Variants in SLC46A1 observed in about 807,000 individuals in gnomAD.
SLC46A1 encodes proton-coupled folate transporter.
A neutral mutation model predicts 32.1 loss-of-function variants in SLC46A1; 17 were observed. The ratio of observed to expected loss-of-function variants is 0.53; its 90% CI spans 0.36 to 0.79. The LOEUF (loss-of-function observed/expected upper bound fraction) is 0.79. Ranked by LOEUF, SLC46A1 falls within the 30% of genes least tolerant of loss-of-function variation. The pLI, the probability that SLC46A1 is intolerant of heterozygous loss-of-function variation, is 0.00. For missense variants in SLC46A1, 517 were observed against 588.2 expected, an observed-to-expected ratio of 0.88 and a Z score of 1.25; for synonymous variants, 240 against 262.7, an observed-to-expected ratio of 0.91 and a Z score of 0.84.
In SLC46A1 at chr17:28,406,046, G is replaced by C; in HGVS notation, c.69C>G (p.Gly23=). 1.2e-6 allele frequency: 2 copies of C among 1,606,126 alleles called. No homozygotes were observed. The highest frequency in any genetic ancestry group is 1.7e-6 in the Non-Finnish European group (2 of 1,177,552). ...CCAGGAAGACCAGCGGCTCTACCGG[G>C]CCCCGGCACAGCACGGCAGCCGCAG... ...ARPAAAVLCR[G]PVEPLVFLAN... Residue 23 remains glycine, a synonymous_variant, in exon 1 of 5, where the codon GGC becomes GGG. Coordinates refer to ENST00000612814, the MANE Select transcript of SLC46A1 (RefSeq NM_080669.6). The surrounding 1 kb of genome is among the most constrained non-coding windows in gnomAD (Gnocchi z 4.5).
Position 28,404,706 on chromosome 17 carries a change from C to G in SLC46A1, c.991G>C (p.Asp331His). 1 of 1,613,954 alleles carries G rather than the reference C, an allele frequency of 6.2e-7. No homozygotes were observed. Among genetic ancestry groups the G allele is most frequent in the Non-Finnish European group, 8.5e-7 (1 of 1,179,838 alleles). Residue 331 changes from aspartate to histidine, a missense_variant, in exon 2 of 5, where the codon GAT becomes CAT. Physicochemically the swap from Asp to His is moderately conservative, Grantham distance 81 (BLOSUM62 -1). Transcript: ENST00000612814. ...ALKLLQYCLA[D>H]AWVAEIGLAF... ...AGGCCGATCTCAGCTACCCAGGCAT[C>G]GGCCAGGCAGTACTGCAGGAGCTTC... is the stretch of plus-strand genomic sequence containing the variant.
At position 28,406,151 on chromosome 17, in the gene SLC46A1, G is replaced by C. The variant is rs2068260717; in HGVS notation, c.-37C>G. On this transcript the variant is annotated 5_prime_UTR_variant, in exon 1 of 5. Transcript: ENST00000612814. The surrounding 1 kb of genome is among the most constrained non-coding windows in gnomAD (Gnocchi z 4.5). ...GCGGAGCTGTCGCCAGGCGGGCGGC[G>C]GGGCGCGCGAGCGACTCGCTGCCTG... is the stretch of plus-strand genomic sequence containing the variant. The C allele has an allele frequency of 7.5e-7, 1 of 1,333,250 alleles. No homozygotes were observed. The allele number at this position is 1,333,250 out of a possible 1,614,324, so 82.6% of individuals were successfully genotyped here.
intron 2 of SLC46A1, chr17:28,404,309 G>A (rs549411301): frequency 1.8e-4 from 73 of 414,540 alleles, no homozygotes; most frequent in South Asian, 1.6e-3. Context: ...ATAGGCGGTG[G>A]GAGGCCAAGG....
rs1284344546 is a variant in SLC46A1, at chr17:28,397,974, C to T, written c.*1682G>A. 1.3e-5 allele frequency: 2 copies of T among 152,700 alleles called. No homozygotes were observed. Among genetic ancestry groups the T allele is most frequent in the African/African-American group, 2.4e-5 (1 of 41,480 alleles). The allele number at this position is 152,700 out of a possible 1,614,324, so 9.5% of individuals were successfully genotyped here. On this transcript the variant is annotated 3_prime_UTR_variant, in exon 5 of 5. Transcript: ENST00000612814. Reference sequence around the variant, plus strand: ...TGGGGCTCCTTCCTTCCACTCCCCTCCCTGCCAGAGTCTGTCTTGGCCAGT... The same window carrying T: ...TGGGGCTCCTTCCTTCCACTCCCCTTCCTGCCAGAGTCTGTCTTGGCCAGT...
At chr17:28,400,933 T>C (rs1255673730) in intron 3 of SLC46A1, 167 bp from the exon 4 acceptor site, 2 of 684,656 alleles carry the variant, frequency 2.9e-6, no homozygotes, top group Non-Finnish European at 5.2e-6. Flanking sequence ...TTCAGTAAGG[T>C]CATATGTGGA....
chr17:28,405,650 T>C (rs1276410823), intron 1 of SLC46A1, 182 bp from the exon 2 acceptor site: 1 of 982,850 alleles, frequency 1.0e-6, no homozygotes, highest in Non-Finnish European at 1.5e-6. Context: ...CAAGGCCCCA[T>C]TCCCTTTCCT....
At chr17:28,404,366 A>G in intron 2 of SLC46A1, 1 of 554,442 alleles carries the variant, frequency 1.8e-6, no homozygotes, top group Non-Finnish European at 3.2e-6. Context: ...TTTGCTCTAT[A>G]TTACTAACAA....
chr17:28,399,900 T>C (rs2068175642), intron 4 of SLC46A1, 187 bp from the exon 5 acceptor site: 1 of 604,850 alleles, frequency 1.7e-6, no homozygotes, highest in Non-Finnish European at 2.9e-6. Context: ...AAAATAACTT[T>C]TTTTTTTTTA....
intron 2 of SLC46A1, 48 bp from the exon 3 acceptor site, chr17:28,402,369 G>A (rs1310582959): frequency 6.6e-7 from 1 of 1,525,440 alleles, no homozygotes; most frequent in Non-Finnish European, 9.0e-7. Flanking sequence ...GGGGAGAGGG[G>A]CGTCCAAGGG....
chr17:28,397,714 C>G lies in SLC46A1; in HGVS notation c.*1942G>C, dbSNP rs144246026. On this transcript the variant is annotated 3_prime_UTR_variant, in exon 5 of 5. Transcript: ENST00000612814. ...ACAAAAAGCTGACCCAGAGGCCATA[C>G]AGAGCAGGAATATCCCATTGCCCCC... 1 of 152,290 alleles carries G rather than the reference C, an allele frequency of 6.6e-6. No homozygotes were observed. The allele number at this position is 152,290 out of a possible 1,614,324, so 9.4% of individuals were successfully genotyped here. A position where few individuals can be genotyped will look rare whatever the true frequency, so the allele number is the denominator to read the frequency against.
Position 28,404,922 on chromosome 17 carries a change from C to A in SLC46A1, c.775G>T (p.Ala259Ser), listed in dbSNP as rs370955621. The change falls in exon 2 of 5, where the codon GCC (alanine) becomes TCC (serine). Residue 259 changes from alanine to serine, a missense_variant. Ala to Ser is a moderately conservative substitution (Grantham distance 99, BLOSUM62 1). Coordinates refer to ENST00000612814, the MANE Select transcript of SLC46A1 (RefSeq NM_080669.6). ...RSIVQLYVAP[A>S]PEKSRKHLAL... ...AAATGTTTCCTGGACTTCTCTGGGG[C>A]GGGAGCCACATAGAGCTGGACAATG... 6.2e-7 allele frequency: 1 copy of A among 1,613,856 alleles called. No homozygotes were observed. Among genetic ancestry groups the A allele is most frequent in the African/African-American group, 1.3e-5 (1 of 74,918 alleles).
In SLC46A1 at chr17:28,396,018, CG is replaced by C. The variant is rs1448151242; in HGVS notation, c.*3637del. On this transcript the variant is annotated 3_prime_UTR_variant, in exon 5 of 5. Transcript: ENST00000612814. Reference sequence around the variant, plus strand: ...ACATGCAGGCTGTGCTTACTTTCAACGGTATCAAGTGAGCCCCAGGGCCCTG... The same window carrying C: ...ACATGCAGGCTGTGCTTACTTTCAACGTATCAAGTGAGCCCCAGGGCCCTG... 9 of 1,613,784 alleles carry C rather than the reference CG, an allele frequency of 5.6e-6. No homozygotes were observed. The highest frequency in any genetic ancestry group is 4.5e-5 in the East Asian group (2 of 44,874).
chr17:28,401,586 T>C (rs2068197825), intron 3 of SLC46A1: 1 of 152,264 alleles, frequency 6.6e-6, no homozygotes, highest in Non-Finnish European at 1.5e-5. Flanking sequence ...ACCCACAGTT[T>C]ACAAAATGTG....
Position 28,396,084 on chromosome 17 carries a change from A to C in SLC46A1, c.*3572T>G, listed in dbSNP as rs2068119304. 12 of 1,613,418 alleles carry C rather than the reference A, an allele frequency of 7.4e-6. No individual in the cohort carries two copies. Among genetic ancestry groups the C allele is most frequent in the Non-Finnish European group, 1.0e-5 (12 of 1,179,626 alleles). ...GGGTACAAATCACCATGACAGGCAG[A>C]GTGTGGGCAAACAGCTGACTAGCAG... On this transcript the variant is annotated 3_prime_UTR_variant, in exon 5 of 5. Transcript: ENST00000612814.
rs553839009 is a variant in SLC46A1, at chr17:28,400,424, C to A, written c.1322+186G>T. Reference sequence around the variant, plus strand: ...ATCCTTCCTCCACCTAGCTCGCCATCTCGCCCTTGGAAAATGGCTCCTGGA... The same window carrying A: ...ATCCTTCCTCCACCTAGCTCGCCATATCGCCCTTGGAAAATGGCTCCTGGA... On this transcript the variant is annotated intron_variant, in intron 4 of 4. Coordinates refer to ENST00000612814, the MANE Select transcript of SLC46A1 (RefSeq NM_080669.6). The A allele has an allele frequency of 5.8e-6, 4 of 685,100 alleles. No homozygotes were observed. In the South Asian group the frequency reaches 7.8e-5, roughly 13 times the overall value. 42.4% of individuals were successfully genotyped at this position (685,100 alleles called of 1,614,324 possible).
At chr17:28,403,387 T>C (rs554865838) in intron 2 of SLC46A1, 1 of 152,594 alleles carries the variant, frequency 6.6e-6, no homozygotes, top group South Asian at 2.1e-4. Flanking sequence ...TTCATAACCA[T>C]TTCTCTCCCT....
Position 28,395,941 on chromosome 17 carries a change from G to A in SLC46A1, c.*3715C>T, listed in dbSNP as rs782225125. ...TGCTTTAAGCTGCGGCAAGAACATT[G>A]TGCCCATCATTGATGGCTTCGAGTG... On this transcript the variant is annotated 3_prime_UTR_variant, in exon 5 of 5. Coordinates refer to ENST00000612814, the MANE Select transcript of SLC46A1 (RefSeq NM_080669.6). 54 of 1,613,800 alleles carry A rather than the reference G, an allele frequency of 3.3e-5. No individual in the cohort carries two copies. The highest frequency in any genetic ancestry group is 4.4e-5 in the Non-Finnish European group (52 of 1,179,878).
rs1329623767 is a variant in SLC46A1 at position 28,406,175 on chromosome 17, T to G, written c.-61A>C. On this transcript the variant is annotated 5_prime_UTR_variant, in exon 1 of 5. Coordinates refer to ENST00000612814, the MANE Select transcript of SLC46A1 (RefSeq NM_080669.6). This position sits in a 1 kb window ranked among gnomAD's most constrained non-coding sequence, Gnocchi z 4.5. ...CGGGGCGCGCGAGCGACTCGCTGCC[T>G]GGGACCAGCGACGCGTGGCGTGGGG... 8.1e-7 allele frequency: 1 copy of G among 1,241,290 alleles called. No individual in the cohort carries two copies. The highest frequency in any genetic ancestry group is 1.0e-6 in the Non-Finnish European group (1 of 966,594). 76.9% of individuals were successfully genotyped at this position (1,241,290 alleles called of 1,614,324 possible). A position where few individuals can be genotyped will look rare whatever the true frequency, so the allele number is the denominator to read the frequency against.
Position 28,404,860 on chromosome 17 carries a change from A to G in SLC46A1, c.837T>C (p.Thr279=). The change falls in exon 2 of 5, where the codon ACT becomes ACC. Residue 279 remains threonine (T), a synonymous_variant. Coordinates refer to ENST00000612814, the MANE Select transcript of SLC46A1 (RefSeq NM_080669.6). ...AGATGTCCTGGGCCCCAAAGTGCAC[A>G]GTGATCACCACGAAGATGGCCAGTG... ...LYSLAIFVVI[T]VHFGAQDILT... The G allele has an allele frequency of 1.2e-6, 2 of 1,614,048 alleles. No homozygotes were observed. The highest frequency in any genetic ancestry group is 2.2e-5 in the East Asian group (1 of 44,880).
Sources: gnomAD v4.1 joint callset for allele counts on GRCh38, gnomAD v4.1.1 for gene constraint, Gnocchi (gnomAD v3.1) non-coding constraint, MANE v1.5 for transcripts, NCBI Gene and HGNC (gene_info 2026-07-23, HGNC 2026-07-21) for gene names.